Variants in EPHB1 observed in about 807,000 individuals in gnomAD.
EPHB1 encodes ephrin type-B receptor 1.
EPHB1 carries 30 observed loss-of-function variants against 94.4 expected under a neutral mutation model. The observed-to-expected ratio is 0.32, with a 90% CI of 0.24 to 0.43. The LOEUF is 0.43. Ranked by LOEUF, EPHB1 falls within the 20% of genes least tolerant of loss-of-function variation. EPHB1 has a pLI of 1.00. For synonymous variants in EPHB1, 522 were observed against 489.1 expected, an observed-to-expected ratio of 1.07 and a Z score of -0.89; for missense variants, 1,055 against 1,308.3, an observed-to-expected ratio of 0.81 and a Z score of 2.99.
chr3:135,108,432 T>C (rs867644193), intron 4 of EPHB1, among the ~76,000 whole-genome samples: 68 of 152,344 alleles, frequency 4.5e-4, no homozygotes, highest in African/African-American at 1.6e-3. Flanking sequence ...CATGTTACCT[T>C]TTGCAGCCCT....
intron 3 of EPHB1, among the ~76,000 whole-genome samples, chr3:134,991,217 G>T (rs1934783841): frequency 6.6e-6 from 1 of 152,108 alleles, no homozygotes; most frequent in Non-Finnish European, 1.5e-5. Context: ...TTTGTCTGAG[G>T]TTCATTTGTC....
chr3:135,118,036 A>G (rs1308649394), intron 4 of EPHB1, among the ~76,000 whole-genome samples: 1 of 152,230 alleles, frequency 6.6e-6, no homozygotes, highest in Non-Finnish European at 1.5e-5. Context: ...AAAGCCACTC[A>G]GTTCTCACAA....
intron 9 of EPHB1, among the ~76,000 whole-genome samples, chr3:135,173,338 A>G (rs1941870956): frequency 6.6e-6 from 1 of 152,188 alleles, no homozygotes; most frequent in South Asian, 2.1e-4. Flanking sequence ...CCGGCCTGAA[A>G]TAGTTTCTTT....
At chr3:135,195,511 A>C (rs1391469027) in intron 11 of EPHB1, among the ~76,000 whole-genome samples, 2 of 149,996 alleles carry the variant, frequency 1.3e-5, no homozygotes, top group Admixed American at 1.3e-4. Context: ...CAGTCCCCAG[A>C]GTGTGATATT....
At chr3:135,059,076 A>G (rs936631965) in intron 3 of EPHB1, among the ~76,000 whole-genome samples, 1 of 152,222 alleles carries the variant, frequency 6.6e-6, no homozygotes, top group Admixed American at 6.5e-5. Context: ...CATATCAGCA[A>G]ATATTTCTCA....
At position 134,821,431 on chromosome 3, in the gene EPHB1, G is replaced by A. The variant is rs548961730; in HGVS notation, c.58+25742G>A. ...AGAATCTGTAAAAATAAAAATGATA[G>A]TAAAATGGTAAAAAAAAAAAATACC... is the stretch of plus-strand genomic sequence containing the variant. On this transcript the variant is annotated intron_variant, in intron 1 of 15. Coordinates refer to ENST00000398015, the MANE Select transcript of EPHB1 (RefSeq NM_004441.5). Among the ~76,000 whole-genome samples, 11 of 142,704 alleles carry A rather than the reference G, an allele frequency of 7.7e-5. No homozygotes were observed. The East Asian group carries it at 2.0e-3, about 26-fold the overall frequency. The allele number at this position is 142,704 out of a possible 152,430, so 93.6% of individuals were successfully genotyped here.
At chr3:135,055,792 C>A (rs1180550029) in intron 3 of EPHB1, among the ~76,000 whole-genome samples, 1 of 152,202 alleles carries the variant, frequency 6.6e-6, no homozygotes, top group Non-Finnish European at 1.5e-5. Flanking sequence ...CAAAAGACAG[C>A]TGCTGTCATT....
chr3:135,252,277 C>T (rs887499365), intron 15 of EPHB1, among the ~76,000 whole-genome samples: 1 of 150,894 alleles, frequency 6.6e-6, no homozygotes, highest in South Asian at 2.1e-4. Context: ...AGGTTAGTTA[C>T]ATATGTATAC....
chr3:135,064,907 C>T (rs943328655), intron 3 of EPHB1, among the ~76,000 whole-genome samples: 1 of 152,020 alleles, frequency 6.6e-6, no homozygotes, highest in Non-Finnish European at 1.5e-5. Context: ...GTTGTGTCAC[C>T]ATTGTCCTTC....
chr3:134,833,523 G>A (rs568068493), intron 1 of EPHB1, among the ~76,000 whole-genome samples: 7 of 152,358 alleles, frequency 4.6e-5, no homozygotes, highest in African/African-American at 1.7e-4. Context: ...ACTGTGCTGG[G>A]ACTACAAAAT....
intron 4 of EPHB1, among the ~76,000 whole-genome samples, chr3:135,107,402 A>T (rs1360887709): frequency 6.7e-6 from 1 of 149,568 alleles, no homozygotes; most frequent in Non-Finnish European, 1.5e-5. Context: ...GTCCCTGCAC[A>T]GTACTTTGGA....
chr3:135,046,273 T>C (rs1358879098), intron 3 of EPHB1, among the ~76,000 whole-genome samples: 2 of 152,264 alleles, frequency 1.3e-5, no homozygotes, highest in Non-Finnish European at 2.9e-5. Context: ...TGCTTTGTTC[T>C]TTCTAAACTA....
chr3:135,255,262 ATG>A (rs1349466050), intron 15 of EPHB1, among the ~76,000 whole-genome samples: 2 of 151,880 alleles, frequency 1.3e-5, no homozygotes, highest in Non-Finnish European at 2.9e-5. Context: ...TAGCTTTTGA[ATG>A]TGTTTGCTCT....
At chr3:135,201,752 C>T in intron 12 of EPHB1, 63 bp downstream of exon 12, 2 of 1,502,066 alleles carry the variant, frequency 1.3e-6, no homozygotes, top group Non-Finnish European at 1.8e-6. Context: ...CTCTACATGG[C>T]TGGGAACTGT....
At chr3:135,164,962 T>G (rs1308389339) in intron 7 of EPHB1, among the ~76,000 whole-genome samples, 1 of 152,238 alleles carries the variant, frequency 6.6e-6, no homozygotes, top group Non-Finnish European at 1.5e-5. Context: ...ACTAAAACCT[T>G]TTTCATTATT....
At chr3:134,881,436 C>T (rs369609479) in intron 1 of EPHB1, among the ~76,000 whole-genome samples, 26 of 152,122 alleles carry the variant, frequency 1.7e-4, no homozygotes, top group African/African-American at 5.6e-4. Context: ...CTGACTTGAG[C>T]GAAGGTGCCT....
At chr3:134,981,266 C>T (rs1934390856) in intron 3 of EPHB1, among the ~76,000 whole-genome samples, 1 of 152,172 alleles carries the variant, frequency 6.6e-6, no homozygotes, top group South Asian at 2.1e-4. Context: ...TCAGCGGGGG[C>T]TAGGTTGTGT....
intron 3 of EPHB1, among the ~76,000 whole-genome samples, chr3:135,105,567 G>A (rs1939183942): frequency 1.3e-5 from 2 of 152,162 alleles, no homozygotes. Context: ...ATGAGACAAA[G>A]TTAAGACCCG....
intron 1 of EPHB1, among the ~76,000 whole-genome samples, chr3:134,797,661 C>G (rs2035856248): frequency 6.6e-6 from 1 of 152,188 alleles, no homozygotes; most frequent in Non-Finnish European, 1.5e-5. Flanking sequence ...AGCCAGAGGT[C>G]CCTGTCTGCT....
Sources: gnomAD v4.1 joint callset for allele counts (sites outside exome capture counted in the v4.1 genomes callset) on GRCh38, gnomAD v4.1.1 for gene constraint, MANE v1.5 for transcripts, NCBI Gene and HGNC (gene_info 2026-07-23, HGNC 2026-07-21) for gene names.